The following ZBTB7C variants were observed in gnomAD, a reference collection of about 807,000 sequenced individuals.
ZBTB7C encodes zinc finger and BTB domain-containing protein 7C.
Under a neutral mutation model 25.7 loss-of-function variants are expected in ZBTB7C, and 8 were observed. That is an observed-to-expected ratio of 0.31 (90% CI 0.18 to 0.56). The LOEUF (loss-of-function observed/expected upper bound fraction) is 0.56. Ranked by LOEUF, ZBTB7C falls within the 20% of genes least tolerant of loss-of-function variation. ZBTB7C has a pLI of 0.91. For missense variants in ZBTB7C, 824 were observed against 855.2 expected (o/e 0.96, Z 0.46); for synonymous variants, 394 against 369.0 (o/e 1.07, Z -0.78).
At chr18:48,104,785 T>C (rs1384798762) in intron 3 of ZBTB7C, among the ~76,000 whole-genome samples, 1 of 152,090 alleles carries the variant, frequency 6.6e-6, no homozygotes, top group African/African-American at 2.4e-5. Context: ...GGGTGGTCCA[T>C]CCCCCAAGCA....
intron 3 of ZBTB7C, among the ~76,000 whole-genome samples, chr18:48,091,828 A>C (rs567424811): frequency 6.6e-6 from 1 of 152,142 alleles, no homozygotes; most frequent in Non-Finnish European, 1.5e-5. Flanking sequence ...TCATTGTCCA[A>C]TGATACCTTC....
chr18:48,234,550 T>C (rs1158606814), intron 2 of ZBTB7C, among the ~76,000 whole-genome samples: 2 of 152,272 alleles, frequency 1.3e-5, no homozygotes, highest in African/African-American at 2.4e-5. Context: ...TAGGGTGCAA[T>C]ACGATTCACA....
At chr18:48,254,373 A>C (rs2043962798) in intron 2 of ZBTB7C, among the ~76,000 whole-genome samples, 1 of 152,176 alleles carries the variant, frequency 6.6e-6, no homozygotes, top group African/African-American at 2.4e-5. Flanking sequence ...TTGCATAATA[A>C]AATTAGGGTG....
At chr18:48,372,085 G>A (rs1467607178) in intron 1 of ZBTB7C, among the ~76,000 whole-genome samples, 1 of 152,110 alleles carries the variant, frequency 6.6e-6, no homozygotes, top group Non-Finnish European at 1.5e-5. Context: ...CTCACCCCAG[G>A]GCTGCTCTCC....
intron 3 of ZBTB7C, among the ~76,000 whole-genome samples, chr18:48,113,337 C>T (rs1347427862): frequency 1.3e-5 from 2 of 152,176 alleles, no homozygotes; most frequent in Non-Finnish European, 2.9e-5. Context: ...AAACTACCCC[C>T]ATCACAAGGA....
chr18:48,209,862 C>T (rs2145240226), intron 2 of ZBTB7C, among the ~76,000 whole-genome samples: 1 of 151,956 alleles, frequency 6.6e-6, no homozygotes, highest in South Asian at 2.1e-4. Flanking sequence ...TTAATGGACA[C>T]CATCAATAAA....
chr18:48,083,854 C>T, intron 3 of ZBTB7C: 1 of 985,388 alleles, frequency 1.0e-6, no homozygotes, highest in Non-Finnish European at 1.2e-6. Context: ...AACTTACTTT[C>T]CCCTCCTATC....
intron 3 of ZBTB7C, among the ~76,000 whole-genome samples, chr18:48,099,677 T>A (rs1287808455): frequency 6.6e-6 from 1 of 152,196 alleles, no homozygotes; most frequent in African/African-American, 2.4e-5. Context: ...TCGCTCCTGC[T>A]GGCTGAGGTG....
chr18:48,250,405 T>A (rs1035155275), intron 2 of ZBTB7C, among the ~76,000 whole-genome samples: 1 of 152,128 alleles, frequency 6.6e-6, no homozygotes, highest in South Asian at 2.1e-4. Context: ...GAAAAGCCCC[T>A]ACCTCACAGC....
intron 3 of ZBTB7C, among the ~76,000 whole-genome samples, chr18:48,100,974 T>C (rs1002448524): frequency 1.3e-5 from 2 of 152,110 alleles, no homozygotes; most frequent in East Asian, 3.9e-4. Context: ...TAGGCTGTTC[T>C]GGGCTCCTCG....
rs113903835 is a variant in ZBTB7C, at chr18:48,105,787, C to T, written c.-16-64664G>A. On this transcript the variant is annotated intron_variant, in intron 3 of 4. Coordinates refer to ENST00000590800, the MANE Select transcript of ZBTB7C (RefSeq NM_001318841.2). ...CTAAATTCCATGGTGTAAATACTCC[C>T]GGTTCACAAAACTGAAATTTAACAA... Among the ~76,000 whole-genome samples the T allele has an allele frequency of 6.5e-3, 996 of 152,268 alleles. 9 individuals are homozygous for T. The highest frequency in any genetic ancestry group is 0.02 in the African/African-American group (851 of 41,544).
At chr18:48,243,040 G>C (rs2043573227) in intron 2 of ZBTB7C, among the ~76,000 whole-genome samples, 1 of 152,062 alleles carries the variant, frequency 6.6e-6, no homozygotes, top group Admixed American at 6.6e-5. Context: ...GAGGCAGGTG[G>C]ATCGCTTGAG....
intron 3 of ZBTB7C, among the ~76,000 whole-genome samples, chr18:48,138,348 T>C (rs2040237160): frequency 6.6e-6 from 1 of 152,188 alleles, no homozygotes; most frequent in Admixed American, 6.5e-5. Context: ...TAGAGATTCA[T>C]TCCTTCTCGG....
chr18:48,333,600 A>C (rs1050035186), intron 2 of ZBTB7C, among the ~76,000 whole-genome samples: 3 of 152,224 alleles, frequency 2.0e-5, no homozygotes, highest in Non-Finnish European at 2.9e-5. Context: ...CCCCCTCTGC[A>C]TTGTCCTCCA....
chr18:48,286,445 A>G (rs1305777119), intron 2 of ZBTB7C, among the ~76,000 whole-genome samples: 1 of 152,230 alleles, frequency 6.6e-6, no homozygotes, highest in Non-Finnish European at 1.5e-5. Flanking sequence ...CACCACTCAT[A>G]AGGATATCAA....
intron 3 of ZBTB7C, among the ~76,000 whole-genome samples, chr18:48,090,337 TG>T (rs2045390964): frequency 6.6e-6 from 1 of 152,228 alleles, no homozygotes; most frequent in African/African-American, 2.4e-5. Context: ...TGCCTAATCC[TG>T]GGGTTCCAAT....
intron 2 of ZBTB7C, among the ~76,000 whole-genome samples, chr18:48,268,964 T>C (rs1343306913): frequency 6.7e-6 from 1 of 148,784 alleles, no homozygotes. Context: ...GTTTCTTTTT[T>C]TTTTTTTTTT....
At chr18:48,205,534 T>A (rs2034724599) in intron 2 of ZBTB7C, among the ~76,000 whole-genome samples, 1 of 151,880 alleles carries the variant, frequency 6.6e-6, no homozygotes, top group Non-Finnish European at 1.5e-5. Context: ...CAATTTCCTG[T>A]AGGAAGGAAA....
intron 3 of ZBTB7C, among the ~76,000 whole-genome samples, chr18:48,075,840 C>G (rs2037742645): frequency 1.3e-5 from 2 of 152,212 alleles, no homozygotes; most frequent in African/African-American, 4.8e-5. Context: ...GTCCAGAAAT[C>G]AGAAACACCA....
Sources: gnomAD v4.1 joint callset for allele counts (sites outside exome capture counted in the v4.1 genomes callset) on GRCh38, gnomAD v4.1.1 for gene constraint, MANE v1.5 for transcripts, NCBI Gene and HGNC (gene_info 2026-07-23, HGNC 2026-07-21) for gene names.